The following FCRL1 variants were observed in gnomAD, a reference collection of about 807,000 sequenced individuals.
FCRL1 encodes the protein Fc receptor-like protein 1.
Under a neutral mutation model 49.2 loss-of-function variants are expected in FCRL1, and 34 were observed. The observed-to-expected ratio is 0.69, with a 90% confidence interval of 0.53 to 0.92. The LOEUF is 0.92. FCRL1 is among the 40% of genes least tolerant of loss of function. The pLI is 0.00. For missense variants in FCRL1, 524 were observed against 524.1 expected (o/e 1.00, Z 0.00); for synonymous variants, 218 against 201.6 (o/e 1.08, Z -0.69).
At chr1:157,812,345 C>T (rs184518908) in intron 1 of FCRL1, among the ~76,000 whole-genome samples, 1 of 152,214 alleles carries the variant, frequency 6.6e-6, no homozygotes, top group Admixed American at 6.5e-5. Context: ...ATCACCATTC[C>T]AGGGTCTTTC....
At position 157,817,804 on chromosome 1, in the gene FCRL1, A is replaced by G. The variant is rs1655246761; in HGVS notation, c.31+2203T>C. Among the ~76,000 whole-genome samples the G allele has an allele frequency of 2.0e-5, 3 of 152,192 alleles. No individual in the cohort carries two copies. The South Asian group carries it at 6.2e-4, about 31-fold the overall frequency. On this transcript the variant is annotated intron_variant, in intron 1 of 10. Transcript: ENST00000368176. ...GAGAAAAAGTTAATATCCAGAATAT[A>G]TAAGAAACTCAAACAACTCAATAGT...
In FCRL1 at chr1:157,798,263, T is replaced by C; in HGVS notation, c.1032-20A>G. The stretch of plus-strand genomic sequence containing the variant: ...AGGCTCCTGCAAACACAGAGACACA[T>C]GTTATTTATCTGAAATTGCATCCCA... On this transcript the variant is annotated intron_variant, in intron 7 of 10. Transcript: ENST00000368176. 1 of 1,577,204 alleles carries C rather than the reference T, an allele frequency of 6.3e-7. No homozygotes were observed.
At chr1:157,818,251 G>A (rs1655322149) in intron 1 of FCRL1, among the ~76,000 whole-genome samples, 1 of 152,062 alleles carries the variant, frequency 6.6e-6, no homozygotes, top group Non-Finnish European at 1.5e-5. Flanking sequence ...CAGCATCAAT[G>A]TAGATGTTCA....
intron 10 of FCRL1, among the ~76,000 whole-genome samples, chr1:157,796,766 T>C (rs1651554392): frequency 6.6e-6 from 1 of 152,230 alleles, no homozygotes. Flanking sequence ...GTTAACCTTA[T>C]AGTACAAAGT....
At chr1:157,802,908 A>G (rs973537473) in intron 3 of FCRL1, among the ~76,000 whole-genome samples, 1 of 152,208 alleles carries the variant, frequency 6.6e-6, no homozygotes, top group African/African-American at 2.4e-5. Context: ...CATGACTTCC[A>G]CTACCTTAAT....
chr1:157,797,153 C>T, intron 9 of FCRL1, 21 bp from the exon 10 acceptor site: 2 of 1,612,348 alleles, frequency 1.2e-6, no homozygotes, highest in Non-Finnish European at 1.7e-6. Context: ...AAGACAAGTG[C>T]TGTGACATTC....
intron 6 of FCRL1, among the ~76,000 whole-genome samples, chr1:157,801,182 C>T (rs547148665): frequency 1.3e-5 from 2 of 152,246 alleles, no homozygotes; most frequent in African/African-American, 4.8e-5. Flanking sequence ...GAGCCACCGC[C>T]CCCGGCCAAA....
chr1:157,806,393 A>G (rs549535706), intron 2 of FCRL1, among the ~76,000 whole-genome samples: 1 of 152,322 alleles, frequency 6.6e-6, no homozygotes, highest in African/African-American at 2.4e-5. Flanking sequence ...TTTTCTGCAC[A>G]AGATAGCAAT....
Position 157,800,078 on chromosome 1 carries a change from A to AAGATT in FCRL1, c.1010_1011insAATCT (p.Ser338IlefsTer37), listed in dbSNP as rs1230328629. 1 of 1,613,582 alleles carries AAGATT rather than the reference A, an allele frequency of 6.2e-7. No homozygotes were observed. Among genetic ancestry groups the AAGATT allele is most frequent in the Admixed American group, 1.7e-5 (1 of 59,998 alleles). On this transcript the variant is annotated frameshift_variant, in exon 7 of 11. Transcript: ENST00000368176. LOFTEE classifies it high-confidence loss of function. The stretch of plus-strand genomic sequence containing the variant: ...CTCACCTGAGTGGATCCCTGGCTGA[A>AAGATT]CGTCTTCCTGAAAGAAAAACAAATG...
chr1:157,807,124 T>A lies in FCRL1; in HGVS notation c.32-2A>T. On this transcript the variant is annotated splice_acceptor_variant, in intron 1 of 10. Coordinates refer to ENST00000368176, the MANE Select transcript of FCRL1 (RefSeq NM_052938.5). LOFTEE classifies it high-confidence loss of function. ...CACCGGCAGGTTCACAGAGTGGAGC[T>A]GGGAGAGAATTCAGCAGAGATCAGT... 1 of 1,613,758 alleles carries A rather than the reference T, an allele frequency of 6.2e-7. No homozygotes were observed. Among genetic ancestry groups the A allele is most frequent in the Non-Finnish European group, 8.5e-7 (1 of 1,179,846 alleles).
chr1:157,798,105 G>A, intron 8 of FCRL1, 56 bp downstream of exon 8: 1 of 1,560,790 alleles, frequency 6.4e-7, no homozygotes, highest in African/African-American at 1.4e-5. Flanking sequence ...TTATCCCATT[G>A]TCCCTTCCCT....
At position 157,795,005 on chromosome 1, in the gene FCRL1, T is replaced by C. The variant is rs1272081903; in HGVS notation, c.*1094A>G. On this transcript the variant is annotated 3_prime_UTR_variant, in exon 11 of 11. Transcript: ENST00000368176. ...ATAGAAAAATATCTAGAGAGCTACC[T>C]GTAAAGTTTTTAACAATAGTTAACA... The C allele has an allele frequency of 1.3e-5, 2 of 152,262 alleles. No homozygotes were observed. The highest frequency in any genetic ancestry group is 4.8e-5 in the African/African-American group (2 of 41,478). 9.4% of individuals were successfully genotyped at this position (152,262 alleles called of 1,614,324 possible). A position where few individuals can be genotyped will look rare whatever the true frequency, so the allele number is the denominator to read the frequency against.
At chr1:157,797,756 C>T (rs927669595) in intron 9 of FCRL1, 112 bp downstream of exon 9, 2 of 1,590,002 alleles carry the variant, frequency 1.3e-6, no homozygotes, top group Non-Finnish European at 1.7e-6. Context: ...CAGTGATGCT[C>T]ACAGCCTTCT....
At chr1:157,799,272 T>C (rs1652043161) in intron 7 of FCRL1, among the ~76,000 whole-genome samples, 1 of 152,176 alleles carries the variant, frequency 6.6e-6, no homozygotes, top group African/African-American at 2.4e-5. Context: ...AGTGCTGGGA[T>C]TACAGGTGCG....
At chr1:157,806,793 C>A in intron 2 of FCRL1, 1 of 274,890 alleles carries the variant, frequency 3.6e-6, no homozygotes, top group East Asian at 6.5e-5. Flanking sequence ...CACCCTTTGC[C>A]TTCCTTGTGC....
rs1405546884 is a variant in FCRL1, at chr1:157,795,816, C to T, written c.*283G>A. ...TTTCTTTTATTCCATCTTGTTTCCT[C>T]TTGTAAACAGAAGAGCACAATATGA... On this transcript the variant is annotated 3_prime_UTR_variant, in exon 11 of 11. Coordinates refer to ENST00000368176, the MANE Select transcript of FCRL1 (RefSeq NM_052938.5). 1 of 311,420 alleles carries T rather than the reference C, an allele frequency of 3.2e-6. No homozygotes were observed. Among genetic ancestry groups the T allele is most frequent in the African/African-American group, 2.1e-5 (1 of 48,042 alleles). 19.3% of individuals were successfully genotyped at this position (311,420 alleles called of 1,614,324 possible).
intron 1 of FCRL1, among the ~76,000 whole-genome samples, chr1:157,807,982 C>A (rs918524298): frequency 1.3e-5 from 2 of 152,142 alleles, no homozygotes; most frequent in African/African-American, 4.8e-5. Flanking sequence ...AATATTGTGT[C>A]ATTACTATTA....
At chr1:157,806,806 A>G (rs1012748381) in intron 2 of FCRL1, 2 of 300,254 alleles carry the variant, frequency 6.7e-6, no homozygotes, top group Non-Finnish European at 1.2e-5. Flanking sequence ...CCTTGTGCAA[A>G]CAGTGTCTCC....
chr1:157,817,910 A>G (rs1032144929), intron 1 of FCRL1, among the ~76,000 whole-genome samples: 3 of 152,332 alleles, frequency 2.0e-5, no homozygotes, highest in African/African-American at 4.8e-5. Context: ...AAAAATGCCC[A>G]ATATCACTAA....
Sources: allele counts gnomAD v4.1 joint callset (sites outside exome capture counted in the v4.1 genomes callset), GRCh38; gene constraint gnomAD v4.1.1; transcripts MANE v1.5; gene names NCBI Gene and HGNC (gene_info 2026-07-23, HGNC 2026-07-21).